Variants in VPS13D observed in about 807,000 individuals in gnomAD.
VPS13D encodes the protein vacuolar protein sorting 13 homolog D, also known as intermembrane lipid transfer protein VPS13D.
VPS13D carries 187 observed loss-of-function variants against 461.9 expected under a neutral mutation model. The observed-to-expected ratio is 0.40, with a 90% confidence interval of 0.36 to 0.46. VPS13D has a LOEUF of 0.46. Among genes scored for constraint, VPS13D ranks in the 20% least tolerant of loss-of-function variants. VPS13D has a pLI of 0.60. For synonymous variants in VPS13D, 1,951 were observed against 1,986.3 expected (o/e 0.98, Z 0.47); for missense variants, 4,711 against 5,364.9 (o/e 0.88, Z 3.81).
chr1:12,255,923 A>G (rs1640907463), intron 7 of VPS13D, among the ~76,000 whole-genome samples: 1 of 151,360 alleles, frequency 6.6e-6, no homozygotes, highest in African/African-American at 2.4e-5. Flanking sequence ...AAGAAATATA[A>G]ATAATAATAA....
At chr1:12,327,324 T>G (rs1643215489) in intron 35 of VPS13D, among the ~76,000 whole-genome samples, 1 of 152,182 alleles carries the variant, frequency 6.6e-6, no homozygotes, top group Non-Finnish European at 1.5e-5. Flanking sequence ...TCTCCTCTCC[T>G]TCAACAGATG....
In VPS13D at chr1:12,253,402, C is replaced by T. The variant is rs115394962; in HGVS notation, c.565-320C>T. 6.0e-3 allele frequency among the ~76,000 whole-genome samples: 910 copies of T among 152,268 alleles called. 14 individuals are homozygous for T. Among genetic ancestry groups the T allele is most frequent in the African/African-American group, 0.021 (863 of 41,544 alleles). ...GTATGGTTGACCCAGCCCTTTCCTC[C>T]TACCCGACCATTTGCCTGAAACTTA... On this transcript the variant is annotated intron_variant, in intron 6 of 69. Transcript: ENST00000620676.
intron 57 of VPS13D, among the ~76,000 whole-genome samples, chr1:12,380,036 T>C (rs185213512): frequency 6.6e-5 from 10 of 152,346 alleles, no homozygotes; most frequent in Admixed American, 6.5e-4. Context: ...CCCAAAGTGC[T>C]GGGATTACAG....
At chr1:12,440,277 A>G (rs1442369217) in intron 65 of VPS13D, among the ~76,000 whole-genome samples, 1 of 152,208 alleles carries the variant, frequency 6.6e-6, no homozygotes, top group African/African-American at 2.4e-5. Context: ...TGCTATCAGT[A>G]TATGCTTTGG....
intron 13 of VPS13D, among the ~76,000 whole-genome samples, chr1:12,264,674 G>A (rs950272182): frequency 2.0e-5 from 3 of 152,172 alleles, no homozygotes; most frequent in Non-Finnish European, 4.4e-5. Flanking sequence ...AGCAGAGGCT[G>A]GTTCATGAGT....
intron 50 of VPS13D, among the ~76,000 whole-genome samples, chr1:12,361,497 G>A (rs1228272133): frequency 6.7e-6 from 1 of 149,130 alleles, no homozygotes; most frequent in African/African-American, 2.5e-5. Context: ...CCGGGTCCAC[G>A]CCATTCTCCT....
intron 13 of VPS13D, among the ~76,000 whole-genome samples, chr1:12,266,555 A>G (rs984393552): frequency 6.6e-6 from 1 of 152,242 alleles, no homozygotes; most frequent in African/African-American, 2.4e-5. Flanking sequence ...TAAGGTATCT[A>G]TATTGTAGTT....
In VPS13D at chr1:12,403,922, T is replaced by A. The variant is rs948718314; in HGVS notation, c.11979T>A (p.Pro3993=). 1 of 1,613,714 alleles carries A rather than the reference T, an allele frequency of 6.2e-7. No homozygotes were observed. Among genetic ancestry groups the A allele is most frequent in the African/African-American group, 1.3e-5 (1 of 75,008 alleles). Residue 3993 remains proline, a synonymous_variant, in exon 63 of 70, where the codon CCT becomes CCA. Transcript: ENST00000620676. ...YYFENLKISI[P]QIKLSVFTSN... is the part of the protein sequence containing the mutation. The stretch of plus-strand genomic sequence containing the variant: ...TTGAAAATCTCAAAATCAGCATTCC[T>A]CAGATCAAGCTAAGTGTGTTCACCT...
At chr1:12,272,392 G>GGTGTGTGTGTGTGT (rs60615824) in intron 17 of VPS13D, among the ~76,000 whole-genome samples, 10 of 143,126 alleles carry the variant, frequency 7.0e-5, no homozygotes, top group African/African-American at 2.3e-4. Context: ...TTTTTGTTTT[G>GGTGTGTGTGTGTGT]GTGTGTGTGT....
chr1:12,380,909 A>G (rs1435358945), intron 57 of VPS13D, among the ~76,000 whole-genome samples: 4 of 152,238 alleles, frequency 2.6e-5, no homozygotes. Context: ...TTCAATTAGC[A>G]ATACAATTCA....
chr1:12,291,167 T>C, intron 23 of VPS13D, 43 bp downstream of exon 23: 2 of 1,588,948 alleles, frequency 1.3e-6, no homozygotes, highest in Non-Finnish European at 1.7e-6. Context: ...TTTATCATAA[T>C]ACTTGCTGTT....
At chr1:12,466,623 C>T (rs1182694276) in intron 67 of VPS13D, among the ~76,000 whole-genome samples, 1 of 152,210 alleles carries the variant, frequency 6.6e-6, no homozygotes, top group Non-Finnish European at 1.5e-5. Context: ...CCAGCACGCT[C>T]CTTCCAGATG....
chr1:12,309,203 C>CT (rs905498675), intron 27 of VPS13D, among the ~76,000 whole-genome samples: 4 of 144,352 alleles, frequency 2.8e-5, no homozygotes, highest in African/African-American at 7.6e-5. Context: ...TTGATTTGAT[C>CT]TTTTTTTTCT....
chr1:12,478,332 G>C (rs953322557), intron 67 of VPS13D, among the ~76,000 whole-genome samples: 1 of 152,240 alleles, frequency 6.6e-6, no homozygotes, highest in African/African-American at 2.4e-5. Flanking sequence ...TAACCAGCAC[G>C]ACGAAAAGGA....
Position 12,341,790 on chromosome 1 carries a change from A to T in VPS13D, c.8637A>T (p.Lys2879Asn). Residue 2879 changes from lysine (K) to asparagine (N), a missense_variant, in exon 41 of 70, where the codon AAA (lysine) becomes AAT (asparagine). Lys to Asn is a moderately conservative substitution (Grantham distance 94). This residue lies in a region of VPS13D where 4,411 missense variants were observed against 4,937.8 expected (regional missense o/e 0.89). Transcript: ENST00000620676. ...EHQIYARAEV[K>N]TPKRRQPFVP... Reference sequence around the variant, plus strand: ...TTCTGTTTGTCGTAGCAGAGGTGAAAACCCCCAAGCGCCGGCAGCCATTTG... The same window carrying T: ...TTCTGTTTGTCGTAGCAGAGGTGAATACCCCCAAGCGCCGGCAGCCATTTG... 1.2e-6 allele frequency: 2 copies of T among 1,613,578 alleles called. No individual in the cohort carries two copies. Among genetic ancestry groups the T allele is most frequent in the Middle Eastern group, 1.7e-4 (1 of 6,056 alleles).
At chr1:12,301,639 G>T (rs1163080494) in intron 25 of VPS13D, among the ~76,000 whole-genome samples, 1 of 152,120 alleles carries the variant, frequency 6.6e-6, no homozygotes, top group African/African-American at 2.4e-5. Context: ...CATTACATGG[G>T]CATAATTAAT....
At position 12,508,985 on chromosome 1, in the gene VPS13D, AC is replaced by A; in HGVS notation, c.13129del (p.Leu4377SerfsTer54). 1 of 1,614,144 alleles carries A rather than the reference AC, an allele frequency of 6.2e-7. No individual in the cohort carries two copies. The highest frequency in any genetic ancestry group is 1.1e-5 in the South Asian group (1 of 91,058). ...LYYEQQLMLR[L>X]SENREQLELD... ...ACTATGAACAGCAGCTTATGTTAAGACTCAGCGAAAACCGAGAGCAGCTGGA... is the reference window on the plus strand; with the variant it reads ...ACTATGAACAGCAGCTTATGTTAAGATCAGCGAAAACCGAGAGCAGCTGGA... On this transcript the variant is annotated frameshift_variant, in exon 70 of 70. Transcript: ENST00000620676. LOFTEE classifies it high-confidence loss of function.
Position 12,277,222 on chromosome 1 carries a change from G to T in VPS13D, c.3634G>T (p.Asp1212Tyr), listed in dbSNP as rs767188819. ...TAATGTCTCAATGGGTAGCACGTTT[G>T]ACATGAATGGTTCTCTTGGCTGTTT... ...KVNVSMGSTF[D>Y]MNGSLGCLQL... The change falls in exon 19 of 70, where the codon GAC becomes TAC. Residue 1212 changes from aspartate (D) to tyrosine (Y), a missense_variant. Asp to Tyr is a radical substitution (Grantham distance 160). Around this residue, in one of 3 missense-constraint regions of VPS13D, gnomAD observed 4,411 missense variants for 4,937.8 expected, o/e 0.89. Transcript: ENST00000620676. The T allele has an allele frequency of 6.2e-7, 1 of 1,614,210 alleles. No individual in the cohort carries two copies. Among genetic ancestry groups the T allele is most frequent in the Non-Finnish European group, 8.5e-7 (1 of 1,180,024 alleles).
intron 65 of VPS13D, among the ~76,000 whole-genome samples, chr1:12,432,644 G>A (rs1419072217): frequency 2.0e-5 from 3 of 148,780 alleles, no homozygotes; most frequent in Non-Finnish European, 4.4e-5. Flanking sequence ...CTCACTGGCT[G>A]AAGTGCAATG....
Sources: allele counts gnomAD v4.1 joint callset (sites outside exome capture counted in the v4.1 genomes callset), GRCh38; gene constraint gnomAD v4.1.1; regional missense constraint gnomAD v4.1.1; transcripts MANE v1.5; gene names NCBI Gene and HGNC (gene_info 2026-07-23, HGNC 2026-07-21).